The following CADM1 variants were observed in gnomAD, a reference collection of about 807,000 sequenced individuals.
CADM1 encodes TSLC-1.
CADM1 carries 15 observed loss-of-function variants against 53.1 expected under a neutral mutation model. That is an observed-to-expected ratio of 0.28 (90% CI 0.19 to 0.44). The LOEUF is 0.44. Ranked by LOEUF, CADM1 falls within the 20% of genes least tolerant of loss-of-function variation. The pLI, the probability that CADM1 is intolerant of heterozygous loss-of-function variation, is 1.00. For missense variants in CADM1, 434 were observed against 611.3 expected (o/e 0.71, Z 3.06); for synonymous variants, 281 against 243.0 (o/e 1.16, Z -1.45).
intron 1 of CADM1, among the ~76,000 whole-genome samples, chr11:115,266,497 G>T (rs1943144933): frequency 6.6e-6 from 1 of 152,220 alleles, no homozygotes; most frequent in Non-Finnish European, 1.5e-5. Flanking sequence ...GGGCCACAGA[G>T]GAGGTTCAGT....
At position 115,231,605 on chromosome 11, in the gene CADM1, C is replaced by T. The variant is rs558065307; in HGVS notation, c.425-115G>A. The T allele has an allele frequency of 1.7e-4, 159 of 958,188 alleles. 2 individuals carry two copies. Among genetic ancestry groups the T allele is most frequent in the South Asian group, 1.6e-3 (117 of 75,024 alleles). The allele number at this position is 958,188 out of a possible 1,614,324, so 59.4% of individuals were successfully genotyped here. A position where few individuals can be genotyped will look rare whatever the true frequency, so the allele number is the denominator to read the frequency against. On this transcript the variant is annotated intron_variant, in intron 3 of 11. Coordinates refer to ENST00000331581, the MANE Select transcript of CADM1 (RefSeq NM_001301043.2). ...TGGGAATTTAAATCATCACAAGAGG[C>T]GAAAAAGAAATACAAAGTAATCATC...
intron 1 of CADM1, among the ~76,000 whole-genome samples, chr11:115,380,687 C>T (rs1224806504): frequency 2.0e-5 from 3 of 151,990 alleles, no homozygotes; most frequent in South Asian, 2.1e-4. Flanking sequence ...TTAGTAATAG[C>T]TAAAGAGGAG....
intron 1 of CADM1, among the ~76,000 whole-genome samples, chr11:115,410,200 C>T (rs935403633): frequency 2.0e-5 from 3 of 152,202 alleles, no homozygotes. Context: ...ATTAACGATG[C>T]TAAGCCTAAG....
rs565404628 is a variant in CADM1, at chr11:115,184,719, G to A, written c.1166-5944C>T. 5.9e-5 allele frequency among the ~76,000 whole-genome samples: 9 copies of A among 152,282 alleles called. No individual in the cohort carries two copies. In the South Asian group the frequency reaches 1.7e-3, roughly 28 times the overall value. ...GCAATGTAACTGCATCTATACTAAC[G>A]TTTCAAAGGAGCTATGTTAAGCTAC... is the stretch of plus-strand genomic sequence containing the variant. On this transcript the variant is annotated intron_variant, in intron 10 of 11. Coordinates refer to ENST00000331581, the MANE Select transcript of CADM1 (RefSeq NM_001301043.2).
intron 11 of CADM1, 54 bp from the exon 12 acceptor site, chr11:115,176,646 T>C (rs1939043312): frequency 2.1e-6 from 3 of 1,456,982 alleles, no homozygotes; most frequent in East Asian, 2.3e-5. Flanking sequence ...CTGTGTAAAG[T>C]GGTACAGAGA....
intron 5 of CADM1, among the ~76,000 whole-genome samples, chr11:115,221,435 A>G (rs972251279): frequency 1.3e-5 from 2 of 152,232 alleles, no homozygotes; most frequent in Non-Finnish European, 1.5e-5. Context: ...ACACTACAGT[A>G]GCAACCAATT....
chr11:115,262,648 A>G (rs1943011420), intron 1 of CADM1, among the ~76,000 whole-genome samples: 1 of 152,170 alleles, frequency 6.6e-6, no homozygotes, highest in South Asian at 2.1e-4. Flanking sequence ...GTGGATGCTT[A>G]TTTTCTTTGT....
chr11:115,328,742 A>ACGCGTATATATATG (rs370549217), intron 1 of CADM1, among the ~76,000 whole-genome samples: 1 of 20,596 alleles, frequency 4.9e-5, no homozygotes, highest in African/African-American at 9.5e-5. Flanking sequence ...ACATATATAT[A>ACGCGTATATATATG]TATATAGAAT....
Position 115,181,743 on chromosome 11 carries a change from G to A in CADM1, c.1166-2968C>T, listed in dbSNP as rs371096866. ...GCTGTTTCTGGAGTCATCTCAGTCC[G>A]TTCTTTTATTTCCACGTGTGGGGAG... On this transcript the variant is annotated intron_variant, in intron 10 of 11. Transcript: ENST00000331581. Among the ~76,000 whole-genome samples the A allele has an allele frequency of 1.6e-3, 242 of 152,222 alleles. 1 individual carries two copies. Among genetic ancestry groups the A allele is most frequent in the African/African-American group, 3.9e-3 (164 of 41,540 alleles).
At chr11:115,310,448 C>A (rs1027447193) in intron 1 of CADM1, among the ~76,000 whole-genome samples, 1 of 152,100 alleles carries the variant, frequency 6.6e-6, no homozygotes, top group Admixed American at 6.6e-5. Context: ...CAGCACCCCC[C>A]AACTCTGTAC....
At chr11:115,378,714 G>T (rs1443882044) in intron 1 of CADM1, among the ~76,000 whole-genome samples, 1 of 152,094 alleles carries the variant, frequency 6.6e-6, no homozygotes, top group East Asian at 1.9e-4. Context: ...AATTCAAATT[G>T]CAGTGTCCAT....
intron 8 of CADM1, among the ~76,000 whole-genome samples, chr11:115,204,374 T>G (rs1264073180): frequency 6.6e-6 from 1 of 152,184 alleles, no homozygotes; most frequent in African/African-American, 2.4e-5. Flanking sequence ...GTACAGTATC[T>G]CTTATTGGGT....
chr11:115,276,877 C>T (rs1039290931), intron 1 of CADM1, among the ~76,000 whole-genome samples: 2 of 152,076 alleles, frequency 1.3e-5, no homozygotes, highest in Admixed American at 1.3e-4. Flanking sequence ...TTCCTGCCCT[C>T]ATACTGTCAT....
intron 1 of CADM1, among the ~76,000 whole-genome samples, chr11:115,266,417 C>T (rs1591654931): frequency 6.6e-6 from 1 of 152,192 alleles, no homozygotes; most frequent in South Asian, 2.1e-4. Flanking sequence ...GCTGGAGTGC[C>T]ATGTCTGCAT....
intron 1 of CADM1, among the ~76,000 whole-genome samples, chr11:115,270,119 C>A (rs542326667): frequency 6.6e-6 from 1 of 152,112 alleles, no homozygotes; most frequent in African/African-American, 2.4e-5. Context: ...CCAGTATGAC[C>A]AAAATGACAG....
intron 5 of CADM1, among the ~76,000 whole-genome samples, chr11:115,221,415 G>C (rs1333419037): frequency 1.3e-5 from 2 of 152,092 alleles, no homozygotes; most frequent in African/African-American, 4.8e-5. Flanking sequence ...ACACCAGGAG[G>C]CTTTAGGTCA....
At chr11:115,495,801 T>C (rs1823282096) in intron 1 of CADM1, among the ~76,000 whole-genome samples, 1 of 152,110 alleles carries the variant, frequency 6.6e-6, no homozygotes, top group Non-Finnish European at 1.5e-5. Flanking sequence ...TTTATTTTAT[T>C]TTATTTATTA....
At chr11:115,228,786 A>T (rs1184308086) in intron 5 of CADM1, among the ~76,000 whole-genome samples, 2 of 152,110 alleles carry the variant, frequency 1.3e-5, no homozygotes, top group Non-Finnish European at 2.9e-5. Context: ...ATGATGGGAT[A>T]AAAAAAGGGG....
At chr11:115,373,837 T>G (rs1368434991) in intron 1 of CADM1, among the ~76,000 whole-genome samples, 2 of 152,164 alleles carry the variant, frequency 1.3e-5, no homozygotes, top group Admixed American at 1.3e-4. Flanking sequence ...TATCCCAGTT[T>G]AAGAATCTCC....
Sources: allele counts gnomAD v4.1 joint callset (sites outside exome capture counted in the v4.1 genomes callset), GRCh38; gene constraint gnomAD v4.1.1; transcripts MANE v1.5; gene names NCBI Gene and HGNC (gene_info 2026-07-23, HGNC 2026-07-21).